Variants in CAST observed in about 807,000 individuals in gnomAD.
CAST encodes calpastatin.
A neutral mutation model predicts 119.6 loss-of-function variants in CAST; 76 were observed. The observed-to-expected ratio is 0.64, with a 90% CI of 0.53 to 0.77. The LOEUF (loss-of-function observed/expected upper bound fraction) is 0.77, where lower values mean the gene tolerates loss of function less well. Ranked by LOEUF, CAST falls within the 30% of genes least tolerant of loss-of-function variation. The pLI, the probability that CAST is intolerant of heterozygous loss-of-function variation, is 0.00. For synonymous variants in CAST, 319 were observed against 331.6 expected (o/e 0.96, Z 0.41); for missense variants, 953 against 946.5 (o/e 1.01, Z -0.09).
At chr5:96,220,488 T>C in the CAST span, among the ~76,000 whole-genome samples, 4 of 152,252 alleles carry the variant, frequency 2.6e-5, no homozygotes, top group Admixed American at 2.6e-4. Context: ...TTATCTAGAT[T>C]ATCAACTCTT....
At chr5:96,054,204 T>G in the CAST span, among the ~76,000 whole-genome samples, 8 of 152,284 alleles carry the variant, frequency 5.3e-5, 1 homozygote, top group Middle Eastern at 3.4e-3. Context: ...TGAGGGCCTA[T>G]TCTATTTCTG....
chr5:96,507,364 T>G, the CAST span, among the ~76,000 whole-genome samples: 1 of 152,238 alleles, frequency 6.6e-6, no homozygotes, highest in Non-Finnish European at 1.5e-5. Flanking sequence ...GTAACCATTT[T>G]TTCTTTGATG....
chr5:96,179,277 C>T, the CAST span, among the ~76,000 whole-genome samples: 1 of 152,186 alleles, frequency 6.6e-6, no homozygotes, highest in African/African-American at 2.4e-5. Flanking sequence ...GGAATATTTA[C>T]CTCTCAATGA....
chr5:96,608,827 A>T (rs568919091), intron 1 of CAST, among the ~76,000 whole-genome samples: 2 of 152,300 alleles, frequency 1.3e-5, no homozygotes, highest in East Asian at 3.9e-4. Flanking sequence ...AGGCCAGAGC[A>T]GGCAGAAGAA....
At chr5:96,453,784 TA>T in the CAST span, among the ~76,000 whole-genome samples, 117 of 152,344 alleles carry the variant, frequency 7.7e-4, 1 homozygote, top group African/African-American at 2.7e-3. Context: ...TGGCATCAAG[TA>T]AAAATCTTAA....
chr5:96,632,361 C>A (rs1747832630), intron 1 of CAST, among the ~76,000 whole-genome samples: 1 of 149,942 alleles, frequency 6.7e-6, no homozygotes, highest in South Asian at 2.1e-4. Flanking sequence ...TTGATGAAGC[C>A]CAATTTTTAT....
intron 1 of CAST, among the ~76,000 whole-genome samples, chr5:96,539,202 A>AG (rs1387799488): frequency 1.3e-5 from 2 of 152,190 alleles, no homozygotes; most frequent in Admixed American, 1.3e-4. Context: ...TGAGTTGTTG[A>AG]GAAAAACCGA....
the CAST span, among the ~76,000 whole-genome samples, chr5:96,112,719 G>A: frequency 3.9e-5 from 6 of 152,098 alleles, no homozygotes; most frequent in African/African-American, 1.2e-4. Flanking sequence ...ATACACCTCA[G>A]CTACCAAATA....
At chr5:95,981,578 T>C in the CAST span, among the ~76,000 whole-genome samples, 2 of 152,236 alleles carry the variant, frequency 1.3e-5, no homozygotes. Context: ...CACCTATCCC[T>C]TAAAAAGCAT....
chr5:96,660,148 G>A (rs766785718), upstream of CAST, among the ~76,000 whole-genome samples: 1 of 152,056 alleles, frequency 6.6e-6, no homozygotes, highest in African/African-American at 2.4e-5. Flanking sequence ...TAGACCCTCC[G>A]CTCCAGCCAG....
the CAST span, among the ~76,000 whole-genome samples, chr5:96,000,501 C>T: frequency 1.8e-3 from 267 of 152,184 alleles, 1 homozygote; most frequent in African/African-American, 6.0e-3. Flanking sequence ...TGACATCTGT[C>T]GGGAGCTTCG....
chr5:96,743,622 C>G, intron 16 of CAST: 1 of 1,612,590 alleles, frequency 6.2e-7, no homozygotes, highest in Non-Finnish European at 8.5e-7. Flanking sequence ...CTGCCCTGGC[C>G]TAAGATGGGC....
At chr5:96,657,205 C>T (rs539323017), upstream of CAST, among the ~76,000 whole-genome samples, 1 of 152,282 alleles carries the variant, frequency 6.6e-6, no homozygotes, top group Admixed American at 6.5e-5. Flanking sequence ...TTATTTTCTG[C>T]CTTAAATCTA....
the CAST span, among the ~76,000 whole-genome samples, chr5:96,234,364 C>A: frequency 1.3e-5 from 2 of 152,168 alleles, no homozygotes; most frequent in East Asian, 3.8e-4. Context: ...AGCAATTGAA[C>A]ATTTTTGAGG....
At chr5:96,167,454 G>A in the CAST span, among the ~76,000 whole-genome samples, 4 of 152,222 alleles carry the variant, frequency 2.6e-5, no homozygotes, top group Non-Finnish European at 5.9e-5. Flanking sequence ...GAGTGTCCAT[G>A]CAGGAGCTCA....
chr5:96,306,026 C>G, the CAST span, among the ~76,000 whole-genome samples: 1 of 151,674 alleles, frequency 6.6e-6, no homozygotes, highest in African/African-American at 2.4e-5. Context: ...TCTGAAGTAC[C>G]AGCTCCTCCT....
At chr5:95,991,479 T>C in the CAST span, among the ~76,000 whole-genome samples, 1 of 150,674 alleles carries the variant, frequency 6.6e-6, no homozygotes, top group Admixed American at 6.6e-5. Flanking sequence ...AGAGTGACTA[T>C]AGTTAACAAC....
intron 21 of CAST, 120 bp downstream of exon 21, chr5:96,754,281 T>C (rs1765801511): frequency 2.8e-6 from 2 of 713,376 alleles, no homozygotes; most frequent in Non-Finnish European, 5.0e-6. Flanking sequence ...CAGCTGGCTT[T>C]TTCTATTATT....
At chr5:96,635,498 G>C (rs1039512884) in intron 1 of CAST, among the ~76,000 whole-genome samples, 2 of 152,174 alleles carry the variant, frequency 1.3e-5, no homozygotes, top group African/African-American at 4.8e-5. Flanking sequence ...CAGGATAAGA[G>C]ATAAGCCATC....
Sources: gnomAD v4.1 joint callset for allele counts (sites outside exome capture counted in the v4.1 genomes callset) on GRCh38, gnomAD v4.1.1 for gene constraint, MANE v1.5 for transcripts, NCBI Gene and HGNC (gene_info 2026-07-23, HGNC 2026-07-21) for gene names.